RBFOX1: variants seen among roughly 807,000 people sequenced by gnomAD.
RBFOX1 encodes the protein RNA binding protein fox-1 homolog 1.
A neutral mutation model predicts 57.7 loss-of-function variants in RBFOX1; 8 were observed. The observed-to-expected ratio is 0.14, with a 90% CI of 0.08 to 0.25. RBFOX1 has a LOEUF of 0.25. RBFOX1 is among the 10% of genes least tolerant of loss of function. RBFOX1 has a pLI of 1.00. For synonymous variants in RBFOX1, 326 were observed against 222.4 expected, an observed-to-expected ratio of 1.47 and a Z score of -4.15; for missense variants, 611 against 548.5, an observed-to-expected ratio of 1.11 and a Z score of -1.14.
chr16:5,809,139 G>T (rs897994830), intron 3 of RBFOX1, among the ~76,000 whole-genome samples: 2 of 152,148 alleles, frequency 1.3e-5, no homozygotes, highest in African/African-American at 4.8e-5. Flanking sequence ...GCTGAAACTG[G>T]ATCCCTTCCT....
rs560472298 is a variant in RBFOX1, at chr16:5,339,470, G to GTT, written c.219+99394_219+99395dup. Among the ~76,000 whole-genome samples the GTT allele has an allele frequency of 9.8e-3, 401 of 40,876 alleles. 66 individuals are homozygous for GTT. Among genetic ancestry groups the GTT allele is most frequent in the Middle Eastern group, 0.062 (2 of 32 alleles). The allele number at this position is 40,876 out of a possible 152,430, so 26.8% of individuals were successfully genotyped here. ...AAAAGCTAGAAGCTGCTTTTTCCGT[G>GTT]TTTTTTTTTTTTTTTTTTTTTTTTT... On this transcript the variant is annotated intron_variant, in intron 1 of 2. Coordinates refer to the RBFOX1 transcript ENST00000585867.
chr16:6,052,628 C>CA (rs1055384035), intron 1 of RBFOX1, among the ~76,000 whole-genome samples: 4 of 151,660 alleles, frequency 2.6e-5, no homozygotes, highest in African/African-American at 7.3e-5. Context: ...ACTAAAAATA[C>CA]AAAAAATTAG....
intron 2 of RBFOX1, among the ~76,000 whole-genome samples, chr16:6,338,174 T>G (rs1486604188): frequency 6.6e-6 from 1 of 152,206 alleles, no homozygotes; most frequent in African/African-American, 2.4e-5. Flanking sequence ...TTCCATTAAG[T>G]ATTACATTTT....
intron 2 of RBFOX1, among the ~76,000 whole-genome samples, chr16:6,439,005 A>G (rs1327480771): frequency 2.0e-5 from 3 of 152,174 alleles, no homozygotes; most frequent in Non-Finnish European, 4.4e-5. Flanking sequence ...CCCTTAGAAT[A>G]GCCTGGTTTT....
chr16:5,337,106 C>T (rs994803698), intron 1 of RBFOX1, among the ~76,000 whole-genome samples: 8 of 152,086 alleles, frequency 5.3e-5, no homozygotes, highest in African/African-American at 1.9e-4. Context: ...AAGAGATGGC[C>T]GGCTGGGGAC....
intron 1 of RBFOX1, among the ~76,000 whole-genome samples, chr16:6,216,417 T>C (rs2097336198): frequency 6.6e-6 from 1 of 152,194 alleles, no homozygotes; most frequent in Non-Finnish European, 1.5e-5. Context: ...GAACAGATTC[T>C]AGTTAATAGT....
chr16:6,767,093 T>A lies in RBFOX1; in HGVS notation c.-16+112443T>A, dbSNP rs760691128. On this transcript the variant is annotated intron_variant, in intron 3 of 15. Transcript: ENST00000550418. Reference sequence around the variant, plus strand: ...TCCATTTCCTCATCCTGTGGTCCTATAATTGCATTTTTCTTAGGGGACCAC... The same window carrying A: ...TCCATTTCCTCATCCTGTGGTCCTAAAATTGCATTTTTCTTAGGGGACCAC... Among the ~76,000 whole-genome samples, 7 of 152,256 alleles carry A rather than the reference T, an allele frequency of 4.6e-5. No homozygotes were observed. The East Asian group carries it at 1.4e-3, about 29-fold the overall frequency.
chr16:5,830,106 T>A (rs980156892), intron 3 of RBFOX1, among the ~76,000 whole-genome samples: 11 of 152,208 alleles, frequency 7.2e-5, no homozygotes, highest in African/African-American at 2.7e-4. Context: ...AGCATCCATC[T>A]TGTGGGCTGC....
intron 3 of RBFOX1, among the ~76,000 whole-genome samples, chr16:6,714,893 G>T (rs577771475): frequency 2.0e-5 from 3 of 152,250 alleles, no homozygotes; most frequent in African/African-American, 7.2e-5. Flanking sequence ...GAAGGCACCT[G>T]GAAATAAGGA....
intron 2 of RBFOX1, among the ~76,000 whole-genome samples, chr16:6,414,383 G>A (rs147926967): frequency 3.2e-4 from 48 of 152,230 alleles, no homozygotes; most frequent in African/African-American, 1.0e-3. Context: ...TGTATTTCCC[G>A]GGCACCTACT....
chr16:7,350,229 C>T (rs1219394890), intron 4 of RBFOX1, among the ~76,000 whole-genome samples: 1 of 152,076 alleles, frequency 6.6e-6, no homozygotes, highest in Non-Finnish European at 1.5e-5. Flanking sequence ...GAGCTCAGAT[C>T]TGATTGACAA....
chr16:7,335,746 A>C (rs1321662193), intron 4 of RBFOX1, among the ~76,000 whole-genome samples: 1 of 152,180 alleles, frequency 6.6e-6, no homozygotes, highest in East Asian at 1.9e-4. Context: ...CCAAGCAATA[A>C]TTGATAGTTA....
intron 4 of RBFOX1, chr16:7,126,690 A>G (rs993654370): frequency 2.6e-5 from 4 of 151,620 alleles, no homozygotes; most frequent in African/African-American, 9.7e-5. Context: ...ATATATATGT[A>G]TATATATATA....
chr16:7,326,082 T>C (rs1290309072), intron 4 of RBFOX1, among the ~76,000 whole-genome samples: 1 of 152,186 alleles, frequency 6.6e-6, no homozygotes, highest in Non-Finnish European at 1.5e-5. Context: ...CTTGGACAAG[T>C]CACTTGGACT....
At chr16:6,416,005 C>CT (rs2093615106) in intron 2 of RBFOX1, among the ~76,000 whole-genome samples, 1 of 152,166 alleles carries the variant, frequency 6.6e-6, no homozygotes, top group South Asian at 2.1e-4. Flanking sequence ...CGTTGTCATC[C>CT]TAAACTGTTG....
In RBFOX1 at chr16:6,311,460, A is replaced by T. The variant is rs2080302724; in HGVS notation, c.-126-5535A>T. On this transcript the variant is annotated intron_variant, in intron 1 of 15. Coordinates refer to ENST00000550418, the MANE Select transcript of RBFOX1 (RefSeq NM_018723.4). ...TGGGGATGGGATGGGAAGCAAAAGG[A>T]GATGATGTTGGAGAATCCGCTCCTG... is the stretch of plus-strand genomic sequence containing the variant. Among the ~76,000 whole-genome samples, 2 of 152,126 alleles carry T rather than the reference A, an allele frequency of 1.3e-5. 1 individual carries two copies. Among genetic ancestry groups the T allele is most frequent in the South Asian group, 4.2e-4 (2 of 4,816 alleles).
chr16:6,492,926 C>G (rs1190849693), intron 2 of RBFOX1, among the ~76,000 whole-genome samples: 1 of 152,154 alleles, frequency 6.6e-6, no homozygotes, highest in African/African-American at 2.4e-5. Flanking sequence ...AATGAAGGGA[C>G]TATAAACAGT....
chr16:7,359,610 C>G (rs928466532), intron 4 of RBFOX1, among the ~76,000 whole-genome samples: 7 of 152,202 alleles, frequency 4.6e-5, no homozygotes, highest in Non-Finnish European at 4.4e-5. Flanking sequence ...CCACTGTTTG[C>G]TTCCCCTGTC....
At chr16:6,654,096 A>G (rs1049420250) in intron 2 of RBFOX1, among the ~76,000 whole-genome samples, 1 of 128,610 alleles carries the variant, frequency 7.8e-6, no homozygotes, top group African/African-American at 2.6e-5. Flanking sequence ...ATCAATGGGC[A>G]TGGCTGTTTG....
Sources: gnomAD v4.1 joint callset for allele counts (sites outside exome capture counted in the v4.1 genomes callset) on GRCh38, gnomAD v4.1.1 for gene constraint, MANE v1.5 for transcripts, NCBI Gene and HGNC (gene_info 2026-07-23, HGNC 2026-07-21) for gene names.